Variants in AKAP6 observed in about 807,000 individuals in gnomAD.
AKAP6 encodes A-kinase anchoring protein 6.
Under a neutral mutation model 188.5 loss-of-function variants are expected in AKAP6, and 58 were observed. The ratio of observed to expected loss-of-function variants is 0.31; its 90% CI spans 0.25 to 0.38. The LOEUF (loss-of-function observed/expected upper bound fraction) is 0.38. Ranked by LOEUF, AKAP6 falls within the 10% of genes least tolerant of loss-of-function variation. The pLI, the probability that AKAP6 is intolerant of heterozygous loss-of-function variation, is 1.00. For missense variants in AKAP6, 2,710 were observed against 2,740.0 expected, an observed-to-expected ratio of 0.99 and a Z score of 0.24; for synonymous variants, 989 against 998.6, an observed-to-expected ratio of 0.99 and a Z score of 0.18.
chr14:32,365,362 T>G (rs1397241410), intron 1 of AKAP6, among the ~76,000 whole-genome samples: 2 of 147,676 alleles, frequency 1.4e-5, no homozygotes, highest in Non-Finnish European at 2.9e-5. Flanking sequence ...GTCTCTCCCT[T>G]TTGTACAGCA....
At position 32,432,487 on chromosome 14, in the gene AKAP6, A is replaced by G. The variant is rs541621476; in HGVS notation, c.-34-973A>G. 5.3e-5 allele frequency among the ~76,000 whole-genome samples: 8 copies of G among 152,340 alleles called. No individual in the cohort carries two copies. The South Asian group carries it at 1.7e-3, about 32-fold the overall frequency. Reference sequence around the variant, plus strand: ...TATTTCAGACCAATTTATTACCCCTAAAATTCCAGAAGCCTCTAAAAATTC... The same window carrying G: ...TATTTCAGACCAATTTATTACCCCTGAAATTCCAGAAGCCTCTAAAAATTC... On this transcript the variant is annotated intron_variant, in intron 1 of 13. Coordinates refer to ENST00000280979, the MANE Select transcript of AKAP6 (RefSeq NM_004274.5).
chr14:32,539,215 G>A (rs1262427952), intron 3 of AKAP6, among the ~76,000 whole-genome samples: 1 of 152,144 alleles, frequency 6.6e-6, no homozygotes, highest in African/African-American at 2.4e-5. Context: ...ATGTCACACA[G>A]GTGATAAGAG....
At chr14:32,418,067 G>A (rs902269260) in intron 1 of AKAP6, 3 of 152,108 alleles carry the variant, frequency 2.0e-5, no homozygotes, top group South Asian at 4.1e-4. Context: ...ATTCATTTGC[G>A]TTTGGCTGCA....
At chr14:32,416,501 G>A (rs965662808) in intron 1 of AKAP6, among the ~76,000 whole-genome samples, 1 of 151,950 alleles carries the variant, frequency 6.6e-6, no homozygotes, top group Non-Finnish European at 1.5e-5. Context: ...TTGTTGATAT[G>A]GTCTTTTGAT....
At chr14:32,610,221 C>T (rs966464577) in intron 7 of AKAP6, among the ~76,000 whole-genome samples, 1 of 152,154 alleles carries the variant, frequency 6.6e-6, no homozygotes, top group African/African-American at 2.4e-5. Context: ...AGAGAGTCTT[C>T]TTAGACACCC....
At chr14:32,608,297 G>C (rs1566602019) in intron 7 of AKAP6, among the ~76,000 whole-genome samples, 2 of 152,038 alleles carry the variant, frequency 1.3e-5, no homozygotes, top group African/African-American at 2.4e-5. Context: ...ATGAGGTCAG[G>C]AGACAAGCCT....
chr14:32,635,673 G>A (rs796794052), intron 7 of AKAP6, among the ~76,000 whole-genome samples: 12 of 152,156 alleles, frequency 7.9e-5, no homozygotes, highest in African/African-American at 2.9e-4. Context: ...GATAATTATA[G>A]TGGGAGAAAA....
At chr14:32,744,623 A>G (rs2031819494) in intron 11 of AKAP6, among the ~76,000 whole-genome samples, 1 of 152,112 alleles carries the variant, frequency 6.6e-6, no homozygotes, top group African/African-American at 2.4e-5. Flanking sequence ...GGTCCTTGGT[A>G]TAATATTCTT....
intron 5 of AKAP6, among the ~76,000 whole-genome samples, chr14:32,598,636 A>T (rs552334818): frequency 2.6e-4 from 40 of 152,328 alleles, no homozygotes; most frequent in African/African-American, 8.9e-4. Context: ...ATAAAGCAGC[A>T]TATAGTAAGA....
rs1204002078 is a variant in AKAP6 at position 32,535,647 on chromosome 14, G to T, written c.418G>T (p.Val140Leu). Residue 140 changes from valine to leucine, a missense_variant, in exon 3 of 14, where the codon GTG (valine) becomes TTG (leucine). By Grantham distance (32) the Val-to-Leu change is conservative. Coordinates refer to ENST00000280979, the MANE Select transcript of AKAP6 (RefSeq NM_004274.5). ...SLKLLSYSVNVIVDIHAVQLL... is the reference protein window; with the variant it reads ...SLKLLSYSVNLIVDIHAVQLL... ...AAAGCTGCTGTCTTACTCTGTCAAC[G>T]TGATAGTGGACATCCACGCAGTGCA... is the stretch of plus-strand genomic sequence containing the variant. The T allele has an allele frequency of 2.5e-6, 4 of 1,614,206 alleles. No homozygotes were observed. The highest frequency in any genetic ancestry group is 1.6e-4 in the Middle Eastern group (1 of 6,062).
intron 2 of AKAP6, among the ~76,000 whole-genome samples, chr14:32,522,466 T>C (rs1881893064): frequency 6.6e-6 from 1 of 151,124 alleles, no homozygotes; most frequent in Non-Finnish European, 1.5e-5. Context: ...ATCCAGAATC[T>C]ACAAAGAACT....
At chr14:32,715,028 G>A (rs571240494) in intron 9 of AKAP6, among the ~76,000 whole-genome samples, 16 of 151,976 alleles carry the variant, frequency 1.1e-4, no homozygotes, top group Admixed American at 9.8e-4. Flanking sequence ...TCCCTACTGG[G>A]GAGGCTTCTC....
At chr14:32,428,517 G>A (rs992748903) in intron 1 of AKAP6, among the ~76,000 whole-genome samples, 6 of 151,948 alleles carry the variant, frequency 3.9e-5, no homozygotes, top group Non-Finnish European at 5.9e-5. Flanking sequence ...GGGAGAGGAG[G>A]AGCCAAATGA....
chr14:32,746,188 G>A (rs1278909464), intron 11 of AKAP6, among the ~76,000 whole-genome samples: 4 of 152,066 alleles, frequency 2.6e-5, no homozygotes, highest in African/African-American at 4.8e-5. Context: ...TATCTAAGAT[G>A]CGAGACCAAG....
At chr14:32,524,866 T>C (rs1340945948) in intron 2 of AKAP6, among the ~76,000 whole-genome samples, 2 of 152,222 alleles carry the variant, frequency 1.3e-5, no homozygotes, top group Non-Finnish European at 2.9e-5. Flanking sequence ...ACCAGCATGA[T>C]GGCCATCACA....
At chr14:32,578,155 G>A (rs1350085005) in intron 5 of AKAP6, among the ~76,000 whole-genome samples, 1 of 152,126 alleles carries the variant, frequency 6.6e-6, no homozygotes, top group African/African-American at 2.4e-5. Context: ...ACCTGTATGC[G>A]AGTTCACAGG....
intron 11 of AKAP6, among the ~76,000 whole-genome samples, chr14:32,744,569 G>A (rs1056422899): frequency 6.6e-6 from 1 of 152,032 alleles, no homozygotes; most frequent in African/African-American, 2.4e-5. Flanking sequence ...GCCCTCCTTG[G>A]CCTCCCCAAA....
rs188989123 is a variant in AKAP6 at position 32,833,212 on chromosome 14, T to C, written c.*3407T>C. ...ATTCAGCAAACATTTATTAAATGGC[T>C]ACCTATGTGAGGCACTATATTTGGC... On this transcript the variant is annotated 3_prime_UTR_variant, in exon 14 of 14. Transcript: ENST00000280979. The C allele has an allele frequency of 6.6e-6, 1 of 152,320 alleles. No homozygotes were observed. Among genetic ancestry groups the C allele is most frequent in the East Asian group, 1.9e-4 (1 of 5,174 alleles). The allele number at this position is 152,320 out of a possible 1,614,324, so 9.4% of individuals were successfully genotyped here.
intron 4 of AKAP6, among the ~76,000 whole-genome samples, chr14:32,571,675 T>C (rs1167808677): frequency 6.6e-6 from 1 of 152,198 alleles, no homozygotes; most frequent in Non-Finnish European, 1.5e-5. Context: ...CACTAATAAA[T>C]ATGAATTACT....
Sources: gnomAD v4.1 joint callset for allele counts (sites outside exome capture counted in the v4.1 genomes callset) on GRCh38, gnomAD v4.1.1 for gene constraint, MANE v1.5 for transcripts, NCBI Gene and HGNC (gene_info 2026-07-23, HGNC 2026-07-21) for gene names.